Variants in TTYH3 observed in about 807,000 individuals in gnomAD.
TTYH3 encodes the protein tweety family member 3, also known as protein tweety homolog 3.
A neutral mutation model predicts 68.2 loss-of-function variants in TTYH3; 23 were observed. That is an observed-to-expected ratio of 0.34 (90% CI 0.24 to 0.48). The LOEUF (loss-of-function observed/expected upper bound fraction) is 0.48, where lower values mean the gene tolerates loss of function less well. TTYH3 is among the 20% of genes least tolerant of loss of function. The pLI is 0.99. For synonymous variants in TTYH3, 360 were observed against 332.8 expected (o/e 1.08, Z -0.89); for missense variants, 768 against 727.7 (o/e 1.06, Z -0.64).
At chr7:2,643,078 G>A (rs184086050) in intron 1 of TTYH3, among the ~76,000 whole-genome samples, 48 of 151,354 alleles carry the variant, frequency 3.2e-4, no homozygotes, top group African/African-American at 1.1e-3. Context: ...AGAAAAGGCT[G>A]GGCACGGTGG....
intron 1 of TTYH3, among the ~76,000 whole-genome samples, chr7:2,640,487 C>T (rs1785811429): frequency 6.6e-6 from 1 of 152,172 alleles, no homozygotes; most frequent in Non-Finnish European, 1.5e-5. Context: ...GCTGCCAGGC[C>T]CAGGTCCTGC....
chr7:2,649,886 C>T (rs1786117980), intron 6 of TTYH3, 27 bp from the exon 7 acceptor site: 3 of 1,613,296 alleles, frequency 1.9e-6, no homozygotes, highest in South Asian at 2.2e-5. Context: ...TTGGTCAACC[C>T]CTCTTGCTTG....
intron 1 of TTYH3, among the ~76,000 whole-genome samples, chr7:2,642,537 C>CAAAAAAAAAAAAAA (rs34165282): frequency 1.0e-4 from 6 of 57,454 alleles, no homozygotes; most frequent in Non-Finnish European, 1.4e-4. Flanking sequence ...GACTCTGTCT[C>CAAAAAAAAAAAAAA]AAAAAAAAAA....
chr7:2,648,185 C>G (rs1056668219), intron 5 of TTYH3, 131 bp downstream of exon 5: 3 of 827,444 alleles, frequency 3.6e-6, no homozygotes, highest in African/African-American at 3.4e-5. Flanking sequence ...AGCGGGACCC[C>G]CCTGCACTGG....
intron 9 of TTYH3, among the ~76,000 whole-genome samples, chr7:2,653,714 T>G (rs1583572443): frequency 6.6e-6 from 1 of 152,014 alleles, no homozygotes; most frequent in East Asian, 1.9e-4. Flanking sequence ...AATACATAAA[T>G]TAGCTGGGCG....
intron 1 of TTYH3, among the ~76,000 whole-genome samples, chr7:2,642,688 A>G (rs953117517): frequency 2.0e-5 from 3 of 151,330 alleles, no homozygotes; most frequent in East Asian, 1.9e-4. Flanking sequence ...TGATCGTGCC[A>G]CTGCACTCCA....
chr7:2,659,044 G>C, intron 13 of TTYH3, 29 bp downstream of exon 13: 2 of 1,608,084 alleles, frequency 1.2e-6, no homozygotes, highest in Admixed American at 3.3e-5. Context: ...GGGTGGATGG[G>C]GGGCTGCTCA....
chr7:2,654,452 T>A (rs999243702), intron 9 of TTYH3, among the ~76,000 whole-genome samples: 1 of 148,130 alleles, frequency 6.8e-6, no homozygotes, highest in Non-Finnish European at 1.5e-5. Context: ...TACACACACA[T>A]AAAAAAAAAT....
chr7:2,632,097 C>A lies in TTYH3; in HGVS notation c.-59C>A. 1 of 1,243,174 alleles carries A rather than the reference C, an allele frequency of 8.0e-7. No individual in the cohort carries two copies. Among genetic ancestry groups the A allele is most frequent in the Non-Finnish European group, 1.0e-6 (1 of 991,846 alleles). 77.0% of individuals were successfully genotyped at this position (1,243,174 alleles called of 1,614,324 possible). Reference sequence around the variant, plus strand: ...CGACGGGTCCCTGAAGCCCGCGCCCCGGGCCAGCAAGGGAGCCCCGCGCAG... The same window carrying A: ...CGACGGGTCCCTGAAGCCCGCGCCCAGGGCCAGCAAGGGAGCCCCGCGCAG... On this transcript the variant is annotated 5_prime_UTR_variant, in exon 1 of 14. Coordinates refer to ENST00000258796, the MANE Select transcript of TTYH3 (RefSeq NM_025250.3).
intron 1 of TTYH3, among the ~76,000 whole-genome samples, chr7:2,641,769 G>A (rs1252479985): frequency 6.6e-6 from 1 of 152,250 alleles, no homozygotes; most frequent in East Asian, 1.9e-4. Context: ...CTGGCTTCGG[G>A]AAGTGGGTGC....
chr7:2,659,799 G>A (rs1488202914), intron 13 of TTYH3: 1 of 1,123,348 alleles, frequency 8.9e-7, no homozygotes, highest in Non-Finnish European at 1.1e-6. Flanking sequence ...GGCCACACAG[G>A]TGCAGGCCCA....
chr7:2,646,596 G>A (rs1785990056), intron 1 of TTYH3, among the ~76,000 whole-genome samples: 1 of 152,228 alleles, frequency 6.6e-6, no homozygotes, highest in African/African-American at 2.4e-5. Context: ...TAGTGGCTAT[G>A]GAGTCTTCAT....
chr7:2,646,018 A>T, intron 1 of TTYH3: 1 of 297,172 alleles, frequency 3.4e-6, no homozygotes, highest in South Asian at 2.5e-5. Context: ...GAGCAGCAGC[A>T]CTTTTTTTTT....
At chr7:2,644,991 C>T (rs1055866440) in intron 1 of TTYH3, among the ~76,000 whole-genome samples, 1 of 152,238 alleles carries the variant, frequency 6.6e-6, no homozygotes, top group South Asian at 2.1e-4. Context: ...AGGCTGGGGT[C>T]CCAAGAGGGC....
intron 4 of TTYH3, 118 bp downstream of exon 4, chr7:2,647,756 C>T (rs1425739223): frequency 6.7e-6 from 8 of 1,195,580 alleles, no homozygotes; most frequent in Admixed American, 4.4e-5. Flanking sequence ...TGGCCCAGGG[C>T]CACTGGAGGT....
intron 13 of TTYH3, chr7:2,660,060 C>T (rs756832920): frequency 5.0e-4 from 644 of 1,296,856 alleles, no homozygotes; most frequent in Non-Finnish European, 6.4e-4. Flanking sequence ...CACCGGTCCC[C>T]CATCCCGCAC....
At chr7:2,637,338 C>T (rs1785706769) in intron 1 of TTYH3, among the ~76,000 whole-genome samples, 1 of 152,174 alleles carries the variant, frequency 6.6e-6, no homozygotes, top group African/African-American at 2.4e-5. Flanking sequence ...GCGGCTCTCC[C>T]CGGATGCTTG....
chr7:2,635,335 T>G (rs940989259), intron 1 of TTYH3, among the ~76,000 whole-genome samples: 9 of 152,230 alleles, frequency 5.9e-5, no homozygotes, highest in African/African-American at 2.2e-4. Flanking sequence ...GCTCTGTCGC[T>G]TCTTCCTGCG....
intron 13 of TTYH3, chr7:2,659,799 G>T (rs1488202914): frequency 8.9e-7 from 1 of 1,123,230 alleles, no homozygotes; most frequent in African/African-American, 1.6e-5. Context: ...GGCCACACAG[G>T]TGCAGGCCCA....
Sources: gnomAD v4.1 joint callset for allele counts (sites outside exome capture counted in the v4.1 genomes callset) on GRCh38, gnomAD v4.1.1 for gene constraint, MANE v1.5 for transcripts, NCBI Gene and HGNC (gene_info 2026-07-23, HGNC 2026-07-21) for gene names.